The following SNED1 variants were observed in gnomAD, a reference collection of about 807,000 sequenced individuals.
The protein encoded by SNED1 is sushi, nidogen and EGF like domains 1.
Under a neutral mutation model 166.7 loss-of-function variants are expected in SNED1, and 81 were observed. The ratio of observed to expected loss-of-function variants is 0.49; its 90% CI spans 0.41 to 0.58. SNED1 has a LOEUF of 0.58. Ranked by LOEUF, SNED1 falls within the 20% of genes least tolerant of loss-of-function variation. The pLI, the probability that SNED1 is intolerant of heterozygous loss-of-function variation, is 0.00. For synonymous variants in SNED1, 762 were observed against 822.0 expected (o/e 0.93, Z 1.25); for missense variants, 1,604 against 2,000.2 (o/e 0.80, Z 3.78).
intron 9 of SNED1, 59 bp from the exon 10 acceptor site, chr2:241,048,603 G>A: frequency 6.6e-7 from 1 of 1,525,770 alleles, no homozygotes; most frequent in Non-Finnish European, 8.9e-7. Context: ...AGGGTCTGGA[G>A]CGAGGGTGCC....
chr2:241,081,727 G>A lies in SNED1; in HGVS notation c.3967G>A (p.Val1323Met), dbSNP rs761417951. The change falls in exon 28 of 32, where the codon GTG becomes ATG. Residue 1323 changes from valine (V) to methionine (M), a missense_variant. Around this residue, in one of 2 missense-constraint regions of SNED1, gnomAD observed 367 missense variants for 379.4 expected, o/e 0.97. Coordinates refer to ENST00000310397, the MANE Select transcript of SNED1 (RefSeq NM_001080437.3). ...ENPCQNGGTC[V>M]PGADAHSCDC... ...CCCCTGTCAGAACGGAGGCACTTGT[G>A]TGCCGGGCGCAGACGCCCACAGCTG... 4 of 1,609,866 alleles carry A rather than the reference G, an allele frequency of 2.5e-6. No individual in the cohort carries two copies. The highest frequency in any genetic ancestry group is 2.2e-5 in the South Asian group (2 of 90,030).
intron 28 of SNED1, 88 bp from the exon 29 acceptor site, chr2:241,082,189 G>GGGCTTTAGGGCAA: frequency 9.5e-7 from 1 of 1,048,478 alleles, no homozygotes; most frequent in Non-Finnish European, 1.4e-6. Context: ...AAGGACCCCC[G>GGGCTTTAGGGCAA]GGCCCTCTCC....
intron 1 of SNED1, among the ~76,000 whole-genome samples, chr2:241,022,692 A>G: frequency 6.6e-6 from 1 of 152,150 alleles, no homozygotes; most frequent in East Asian, 1.9e-4. Flanking sequence ...CATTTCTCCT[A>G]ATATGAGCTA....
rs914170961 is a variant in SNED1, at chr2:241,068,053, A to C, written c.3194+106A>C. 1.2e-5 allele frequency: 12 copies of C among 1,009,030 alleles called. No homozygotes were observed. The highest frequency in any genetic ancestry group is 8.0e-5 in the East Asian group (3 of 37,554). The allele number at this position is 1,009,030 out of a possible 1,614,324, so 62.5% of individuals were successfully genotyped here. A position where few individuals can be genotyped will look rare whatever the true frequency, so the allele number is the denominator to read the frequency against. ...ACATTCTCCGTGTGTGGACTGTACC[A>C]CCTGCCGCTCCTCACCTGAGCGGAG... On this transcript the variant is annotated intron_variant, in intron 22 of 31. Transcript: ENST00000310397. This position sits in a 1 kb window ranked among gnomAD's most constrained non-coding sequence, Gnocchi z 5.3.
At position 241,075,863 on chromosome 2, in the gene SNED1, G is replaced by GTA. The variant is rs1211490426; in HGVS notation, c.3916+2500_3916+2501insAT. On this transcript the variant is annotated intron_variant, in intron 27 of 31. Coordinates refer to ENST00000310397, the MANE Select transcript of SNED1 (RefSeq NM_001080437.3). This position sits in a 1 kb window ranked among gnomAD's most constrained non-coding sequence, Gnocchi z 4.8. ...GTCATTAATCTGTTAGACTGTGTGT[G>GTA]TGTGAGAAGTTGGGCTACAATTTCA... Among the ~76,000 whole-genome samples the GTA allele has an allele frequency of 2.0e-5, 3 of 152,122 alleles. No individual in the cohort carries two copies. Among genetic ancestry groups the GTA allele is most frequent in the African/African-American group, 2.4e-5 (1 of 41,412 alleles).
chr2:241,010,142 G>C (rs2060345922), intron 1 of SNED1: 2 of 152,274 alleles, frequency 1.3e-5, no homozygotes, highest in Admixed American at 1.3e-4. Context: ...CGCCCTTTGT[G>C]ATCTAACGTT....
intron 1 of SNED1, among the ~76,000 whole-genome samples, chr2:241,023,202 A>T (rs756921458): frequency 6.6e-6 from 1 of 152,128 alleles, no homozygotes; most frequent in Non-Finnish European, 1.5e-5. Flanking sequence ...TATAGATACT[A>T]AAATATGCAT....
At position 241,033,827 on chromosome 2, in the gene SNED1, C is replaced by A. The variant is rs780390609; in HGVS notation, c.594C>A (p.His198Gln). Residue 198 changes from histidine to glutamine, a missense_variant, in exon 3 of 32, where the codon CAC (histidine) becomes CAA (glutamine). By Grantham distance (24) the His-to-Gln change is conservative. Around this residue, in one of 2 missense-constraint regions of SNED1, gnomAD observed 1,237 missense variants for 1,620.8 expected, o/e 0.76. Coordinates refer to ENST00000310397, the MANE Select transcript of SNED1 (RefSeq NM_001080437.3). ...CCATCGTGTGGACCACAGGCACACACGCCAGCAGCGGGGGCAACGCCACTG... is the reference window on the plus strand; with the variant it reads ...CCATCGTGTGGACCACAGGCACACAAGCCAGCAGCGGGGGCAACGCCACTG... ...YESIVWTTGT[H>Q]ASSGGNATGL... The A allele has an allele frequency of 6.2e-7, 1 of 1,609,664 alleles. No individual in the cohort carries two copies. Among genetic ancestry groups the A allele is most frequent in the Non-Finnish European group, 8.5e-7 (1 of 1,178,622 alleles).
intron 6 of SNED1, among the ~76,000 whole-genome samples, chr2:241,038,361 G>A (rs565687270): frequency 6.6e-6 from 1 of 152,324 alleles, no homozygotes; most frequent in East Asian, 1.9e-4. Flanking sequence ...ACACATATTG[G>A]TATTGGAGAG....
chr2:241,033,618 C>T, intron 2 of SNED1, 117 bp from the exon 3 acceptor site: 1 of 1,206,092 alleles, frequency 8.3e-7, no homozygotes, highest in Non-Finnish European at 1.1e-6. Context: ...AAGACACAGA[C>T]ATTGAGCAAG....
At chr2:241,048,242 T>C in intron 8 of SNED1, 73 bp from the exon 9 acceptor site, 2 of 1,473,386 alleles carry the variant, frequency 1.4e-6, no homozygotes, top group South Asian at 1.4e-5. Flanking sequence ...AAAGGTGCCA[T>C]TGGAGCTGGG....
At chr2:241,067,498 A>G (rs1044683816) in intron 21 of SNED1, among the ~76,000 whole-genome samples, 5 of 152,202 alleles carry the variant, frequency 3.3e-5, no homozygotes, top group African/African-American at 1.2e-4. Context: ...AATGGAGACT[A>G]AGACCCCTGC....
chr2:241,088,767 C>G, intron 31 of SNED1: 1 of 278,778 alleles, frequency 3.6e-6, no homozygotes, highest in Admixed American at 5.0e-5. Context: ...CCACCTGGCA[C>G]CTGGGAGGAG....
chr2:241,087,544 G>A (rs2063646538), intron 30 of SNED1, 69 bp downstream of exon 30: 2 of 1,531,684 alleles, frequency 1.3e-6, no homozygotes, highest in Non-Finnish European at 1.8e-6. Flanking sequence ...CAAGGGCGGG[G>A]TGCTATGGGA....
intron 27 of SNED1, among the ~76,000 whole-genome samples, chr2:241,078,315 G>A (rs2063140487): frequency 6.6e-6 from 1 of 150,786 alleles, no homozygotes; most frequent in Non-Finnish European, 1.5e-5. Context: ...CCCGGGAGGT[G>A]GAGTTTGCAG....
intron 8 of SNED1, 66 bp from the exon 9 acceptor site, chr2:241,048,249 T>C (rs952417387): frequency 6.7e-7 from 1 of 1,490,854 alleles, no homozygotes. Flanking sequence ...CCATTGGAGC[T>C]GGGCGGGGAG....
chr2:241,030,948 C>A (rs955207715), intron 2 of SNED1, among the ~76,000 whole-genome samples: 4 of 152,162 alleles, frequency 2.6e-5, no homozygotes, highest in African/African-American at 9.7e-5. Context: ...CAAGAATAAT[C>A]AGCCACTTTG....
At chr2:241,090,112 T>C (rs1055438614) in intron 31 of SNED1, 2 of 1,492,384 alleles carry the variant, frequency 1.3e-6, no homozygotes, top group African/African-American at 2.8e-5. Context: ...TTTTTACTTT[T>C]TAACTCTTTT....
intron 30 of SNED1, chr2:241,087,829 C>T (rs915063310): frequency 1.7e-6 from 1 of 595,536 alleles, no homozygotes; most frequent in African/African-American, 1.9e-5. Flanking sequence ...TTTATTCACT[C>T]ACACCCAGGT....
Sources: allele counts gnomAD v4.1 joint callset (sites outside exome capture counted in the v4.1 genomes callset), GRCh38; gene constraint gnomAD v4.1.1; regional missense constraint gnomAD v4.1.1; non-coding constraint Gnocchi (gnomAD v3.1); transcripts MANE v1.5; gene names NCBI Gene and HGNC (gene_info 2026-07-23, HGNC 2026-07-21).